Variants in NEK4 observed in about 807,000 individuals in gnomAD.
NEK4 encodes the protein NIMA related kinase 4.
Under a neutral mutation model 98.4 loss-of-function variants are expected in NEK4, and 86 were observed. The ratio of observed to expected loss-of-function variants is 0.87; its 90% CI spans 0.73 to 1.05. The LOEUF (loss-of-function observed/expected upper bound fraction) is 1.05, where lower values mean the gene tolerates loss of function less well. NEK4 is among the 50% of genes least tolerant of loss of function. The pLI, the probability that NEK4 is intolerant of heterozygous loss-of-function variation, is 0.00. For synonymous variants in NEK4, 328 were observed against 342.2 expected, an observed-to-expected ratio of 0.96 and a Z score of 0.46; for missense variants, 898 against 950.3, an observed-to-expected ratio of 0.94 and a Z score of 0.72.
intron 11 of NEK4, 56 bp downstream of exon 11, chr3:52,744,183 G>C: frequency 7.9e-7 from 1 of 1,264,866 alleles, no homozygotes; most frequent in Non-Finnish European, 1.2e-6. Flanking sequence ...CAGTGTTTCT[G>C]TCCACGAACC....
intron 15 of NEK4, among the ~76,000 whole-genome samples, chr3:52,736,232 C>T (rs185203238): frequency 3.1e-4 from 47 of 152,174 alleles, no homozygotes; most frequent in African/African-American, 1.1e-3. Flanking sequence ...AATTTATTTT[C>T]CTTTTCTTCT....
At chr3:52,741,766 G>T (rs992810268) in intron 12 of NEK4, among the ~76,000 whole-genome samples, 1 of 147,414 alleles carries the variant, frequency 6.8e-6, no homozygotes, top group Non-Finnish European at 1.5e-5. Context: ...TATTTTGTTT[G>T]TTTTTTTTTT....
At chr3:52,759,714 T>C (rs1449242038) in intron 6 of NEK4, among the ~76,000 whole-genome samples, 2 of 152,004 alleles carry the variant, frequency 1.3e-5, no homozygotes, top group Admixed American at 6.6e-5. Flanking sequence ...AAACCAAAAA[T>C]TACCATTTGA....
chr3:52,760,832 TG>T lies in NEK4; in HGVS notation c.925del (p.Gln309AsnfsTer12), dbSNP rs763625818. The stretch of plus-strand genomic sequence containing the variant: ...CTGGGAGCCCTCAGAAGAGAGTGGT[TG>T]GGGGTGGATTACTTCATGATTTGAT... Reference protein sequence around the residue: ...AESNHEVIHPQPLSSEGSQTY... With the variant: ...AESNHEVIHPXPLSSEGSQTY... On this transcript the variant is annotated frameshift_variant, in exon 6 of 16. Transcript: ENST00000233027. LOFTEE classifies it high-confidence loss of function. 53 of 1,611,092 alleles carry T rather than the reference TG, an allele frequency of 3.3e-5. No homozygotes were observed. In the East Asian group the frequency reaches 1.1e-3, roughly 33 times the overall value.
chr3:52,732,768 G>A, intron 15 of NEK4: 1 of 264,682 alleles, frequency 3.8e-6, no homozygotes, highest in Non-Finnish European at 8.1e-6. Context: ...CAAAGCGAGA[G>A]CTCTGGACTC....
At position 52,739,608 on chromosome 3, in the gene NEK4, G is replaced by C; in HGVS notation, c.2120C>G (p.Ala707Gly). The C allele has an allele frequency of 1.9e-6, 3 of 1,613,816 alleles. No individual in the cohort carries two copies. The highest frequency in any genetic ancestry group is 2.5e-6 in the Non-Finnish European group (3 of 1,179,820). Residue 707 changes from alanine to glycine, a missense_variant, in exon 14 of 16, where the codon GCC (alanine) becomes GGC (glycine). Physicochemically the swap from Ala to Gly is moderately conservative, Grantham distance 60. Coordinates refer to ENST00000233027, the MANE Select transcript of NEK4 (RefSeq NM_003157.6). ...EGKGQTNEIN[A>G]LVQLMTQTLK... The stretch of plus-strand genomic sequence containing the variant: ...GGTCTGAGTCATCAATTGTACCAAG[G>C]CATTAATTTCATTTGTCTGACCTTT...
intron 12 of NEK4, among the ~76,000 whole-genome samples, chr3:52,742,748 C>T: frequency 6.6e-6 from 1 of 152,140 alleles, no homozygotes; most frequent in East Asian, 1.9e-4. Context: ...AAAGTGCTGC[C>T]TAGTGCAAGC....
chr3:52,757,637 A>G (rs1158835413), intron 6 of NEK4, among the ~76,000 whole-genome samples: 2 of 152,168 alleles, frequency 1.3e-5, no homozygotes, highest in African/African-American at 4.8e-5. Context: ...CGTTATTCAC[A>G]CTAGCAAAAA....
chr3:52,763,501 G>A lies in NEK4; in HGVS notation c.790C>T (p.Gln264Ter). 1 of 1,613,600 alleles carries A rather than the reference G, an allele frequency of 6.2e-7. No individual in the cohort carries two copies. Among genetic ancestry groups the A allele is most frequent in the Middle Eastern group, 1.7e-4 (1 of 6,056 alleles). ...GTGGCCTCCAAAAAGAAGGAGATTT[G>A]CCGCTTTATATAAGGCTGCCTCAGG... is the stretch of plus-strand genomic sequence containing the variant. ...SILRQPYIKR[Q>*]ISFFLEATKI... Residue 264 changes from glutamine (Q) to a stop codon, truncating the protein, a stop_gained, in exon 5 of 16, where the codon CAA (glutamine) becomes TAA (stop). Transcript: ENST00000233027. LOFTEE classifies it high-confidence loss of function.
chr3:52,752,931 T>TAC (rs1193888628), intron 6 of NEK4, among the ~76,000 whole-genome samples: 4 of 56,146 alleles, frequency 7.1e-5, no homozygotes, highest in African/African-American at 2.5e-4. Flanking sequence ...TATATATATA[T>TAC]ATACACACAC....
At chr3:52,765,153 C>A (rs1486306224) in intron 4 of NEK4, among the ~76,000 whole-genome samples, 1 of 151,918 alleles carries the variant, frequency 6.6e-6, no homozygotes, top group East Asian at 1.9e-4. Context: ...GAGTTCGAGA[C>A]CATCCTGGCC....
At chr3:52,743,245 G>A in intron 12 of NEK4, 107 bp downstream of exon 12, 1 of 782,302 alleles carries the variant, frequency 1.3e-6, no homozygotes, top group South Asian at 1.6e-5. Context: ...GATATAACAA[G>A]CTGGCCCTGT....
chr3:52,729,201 G>T (rs1427707441), intron 15 of NEK4, among the ~76,000 whole-genome samples: 1 of 151,982 alleles, frequency 6.6e-6, no homozygotes, highest in Non-Finnish European at 1.5e-5. Flanking sequence ...TGGTTTTAAG[G>T]CTCAGGTGGG....
At chr3:52,733,129 G>T in intron 15 of NEK4, 1 of 180,144 alleles carries the variant, frequency 5.6e-6, no homozygotes. Context: ...AGTTAAGATG[G>T]CAAAGTTTTT....
chr3:52,746,663 A>G lies in NEK4; in HGVS notation c.1677+71T>C, dbSNP rs1435958136. ...GCATTTCTTACATGCCTTTTTGGCA[A>G]TTGTTAATTGCTCTAAATAGAAATT... is the stretch of plus-strand genomic sequence containing the variant. On this transcript the variant is annotated intron_variant, in intron 9 of 15. Transcript: ENST00000233027. 1.0e-5 allele frequency: 14 copies of G among 1,396,260 alleles called. No homozygotes were observed. In the East Asian group the frequency reaches 3.0e-4, roughly 30 times the overall value. 86.5% of individuals were successfully genotyped at this position (1,396,260 alleles called of 1,614,324 possible). A position where few individuals can be genotyped will look rare whatever the true frequency, so the allele number is the denominator to read the frequency against.
At chr3:52,759,289 T>C (rs530619933) in intron 6 of NEK4, among the ~76,000 whole-genome samples, 1 of 151,774 alleles carries the variant, frequency 6.6e-6, no homozygotes, top group Admixed American at 6.6e-5. Flanking sequence ...TGGTCCCAGC[T>C]ACTCAGGAGG....
intron 6 of NEK4, chr3:52,754,494 C>A: frequency 1.2e-6 from 1 of 830,834 alleles, no homozygotes; most frequent in South Asian, 1.3e-5. Context: ...ACTCGTCTGT[C>A]TGACCAATTT....
chr3:52,759,763 G>A (rs190563151), intron 6 of NEK4, among the ~76,000 whole-genome samples: 9 of 152,142 alleles, frequency 5.9e-5, no homozygotes, highest in Non-Finnish European at 1.2e-4. Context: ...CCAAAAGAAC[G>A]GAAAACAGGT....
chr3:52,715,025 C>T (rs1282439348), intron 15 of NEK4, among the ~76,000 whole-genome samples: 1 of 152,188 alleles, frequency 6.6e-6, no homozygotes, highest in Non-Finnish European at 1.5e-5. Flanking sequence ...ACAGCCTGGG[C>T]CCCGGGCAGG....
Sources: allele counts gnomAD v4.1 joint callset (sites outside exome capture counted in the v4.1 genomes callset), GRCh38; gene constraint gnomAD v4.1.1; transcripts MANE v1.5; gene names NCBI Gene and HGNC (gene_info 2026-07-23, HGNC 2026-07-21).